MAF: variants seen among roughly 807,000 people sequenced by gnomAD.
The protein encoded by MAF is MAF bZIP transcription factor.
A neutral mutation model predicts 22.0 loss-of-function variants in MAF; 10 were observed. The observed-to-expected ratio is 0.45, with a 90% CI of 0.28 to 0.77. The LOEUF (loss-of-function observed/expected upper bound fraction) is 0.77, where lower values mean the gene tolerates loss of function less well. MAF is among the 30% of genes least tolerant of loss of function. The pLI is 0.12. For missense variants in MAF, 544 were observed against 548.4 expected (o/e 0.99, Z 0.08); for synonymous variants, 337 against 255.8 (o/e 1.32, Z -3.03).
the MAF span, among the ~76,000 whole-genome samples, chr16:79,320,120 G>T: frequency 6.6e-6 from 1 of 152,142 alleles, no homozygotes; most frequent in Non-Finnish European, 1.5e-5. Flanking sequence ...TGGAGTATCA[G>T]GGAAGGCAGA....
chr16:79,401,165 G>T, the MAF span, among the ~76,000 whole-genome samples: 2 of 152,206 alleles, frequency 1.3e-5, no homozygotes, highest in Admixed American at 1.3e-4. Context: ...CCTGATCAGA[G>T]ACCCCCTTGC....
chr16:79,235,189 C>A, the MAF span, among the ~76,000 whole-genome samples: 1 of 152,012 alleles, frequency 6.6e-6, no homozygotes, highest in East Asian at 1.9e-4. Flanking sequence ...TTGAGATGCT[C>A]TGGGGACATC....
chr16:79,365,730 A>G, the MAF span, among the ~76,000 whole-genome samples: 81 of 152,140 alleles, frequency 5.3e-4, 1 homozygote, highest in South Asian at 7.9e-3. Flanking sequence ...CTTCAAGACC[A>G]TGCCACAAAT....
At chr16:79,574,797 A>T in the MAF span, among the ~76,000 whole-genome samples, 1 of 152,134 alleles carries the variant, frequency 6.6e-6, no homozygotes, top group African/African-American at 2.4e-5. Context: ...ATTGATGTCA[A>T]TGAAGAACTA....
the MAF span, among the ~76,000 whole-genome samples, chr16:79,390,283 T>A: frequency 2.0e-5 from 3 of 152,170 alleles, no homozygotes; most frequent in East Asian, 5.8e-4. Flanking sequence ...TGGATTATTA[T>A]TATTATTATT....
chr16:79,321,758 C>A, the MAF span, among the ~76,000 whole-genome samples: 14 of 150,232 alleles, frequency 9.3e-5, no homozygotes, highest in Admixed American at 9.4e-4. Context: ...TCACGACATT[C>A]TCCTGCCTCA....
chr16:79,435,812 A>G, the MAF span, among the ~76,000 whole-genome samples: 2 of 152,220 alleles, frequency 1.3e-5, no homozygotes, highest in African/African-American at 2.4e-5. Context: ...TTCGTAGCTA[A>G]AAAGCATGAA....
chr16:79,362,762 G>C, the MAF span, among the ~76,000 whole-genome samples: 1 of 152,206 alleles, frequency 6.6e-6, no homozygotes, highest in African/African-American at 2.4e-5. Flanking sequence ...AGATGAAGCA[G>C]TATGGGTGTG....
the MAF span, among the ~76,000 whole-genome samples, chr16:79,290,787 T>C: frequency 6.6e-6 from 1 of 152,056 alleles, no homozygotes; most frequent in African/African-American, 2.4e-5. Context: ...ATTTGGTGTT[T>C]CTCAAATTGT....
chr16:79,336,938 C>G, the MAF span, among the ~76,000 whole-genome samples: 1 of 152,098 alleles, frequency 6.6e-6, no homozygotes, highest in Non-Finnish European at 1.5e-5. Flanking sequence ...TGAGAGGTTC[C>G]ACACGTTAAA....
At chr16:79,408,029 G>C in the MAF span, among the ~76,000 whole-genome samples, 56,679 of 135,076 alleles carry the variant, frequency 0.42, 12,142 homozygotes, top group East Asian at 0.85. Flanking sequence ...AGAGGCGGGC[G>C]CCATAAGAGA....
intron 1 of MAF, chr16:79,595,460 T>G: frequency 1.9e-6 from 2 of 1,057,888 alleles, no homozygotes; most frequent in Non-Finnish European, 2.3e-6. Flanking sequence ...AGTCATCGTG[T>G]TTGGCTGTAT....
chr16:79,342,562 TACCATC>T, the MAF span, among the ~76,000 whole-genome samples: 6 of 152,066 alleles, frequency 3.9e-5, no homozygotes, highest in East Asian at 3.9e-4. Flanking sequence ...CCATCTCCAT[TACCATC>T]ACCATCACCA....
At chr16:79,493,470 G>A in the MAF span, among the ~76,000 whole-genome samples, 20 of 152,186 alleles carry the variant, frequency 1.3e-4, no homozygotes, top group Admixed American at 6.5e-4. Flanking sequence ...ATGAGCCACC[G>A]CACCTGGCCT....
the MAF span, among the ~76,000 whole-genome samples, chr16:79,419,561 T>C: frequency 6.6e-6 from 1 of 152,202 alleles, no homozygotes; most frequent in East Asian, 1.9e-4. Context: ...CTCTCTGGTG[T>C]CTAGGATGTT....
chr16:79,430,178 T>C, the MAF span, among the ~76,000 whole-genome samples: 1 of 152,236 alleles, frequency 6.6e-6, no homozygotes, highest in South Asian at 2.1e-4. Context: ...ATGACGGTAA[T>C]TGGAAAGGAA....
At chr16:79,595,330 T>G (rs1236250358) in intron 1 of MAF, 1 of 1,050,756 alleles carries the variant, frequency 9.5e-7, no homozygotes, top group Non-Finnish European at 1.1e-6. Context: ...GAAGGCCAGA[T>G]GATAAACTGG....
the MAF span, among the ~76,000 whole-genome samples, chr16:79,216,056 A>G: frequency 6.6e-6 from 1 of 152,102 alleles, no homozygotes; most frequent in Non-Finnish European, 1.5e-5. Flanking sequence ...GCATGGCATA[A>G]TTCCTATTAT....
chr16:79,520,263 T>C, the MAF span, among the ~76,000 whole-genome samples: 1 of 152,182 alleles, frequency 6.6e-6, no homozygotes, highest in Non-Finnish European at 1.5e-5. Context: ...CGAGCCCTTC[T>C]ATCCTTCCAT....
Sources: allele counts gnomAD v4.1 joint callset (sites outside exome capture counted in the v4.1 genomes callset), GRCh38; gene constraint gnomAD v4.1.1; transcripts MANE v1.5; gene names NCBI Gene and HGNC (gene_info 2026-07-23, HGNC 2026-07-21).